The following KLF15 variants were observed in gnomAD, a reference collection of about 807,000 sequenced individuals.
KLF15 encodes the protein KLF transcription factor 15.
In KLF15, 4 loss-of-function variants were observed where a neutral mutation model predicts 24.6. The ratio of observed to expected loss-of-function variants is 0.16; its 90% CI spans 0.08 to 0.37. The LOEUF is 0.37. Among genes scored for constraint, KLF15 ranks in the 10% least tolerant of loss-of-function variants. The pLI, the probability that KLF15 is intolerant of heterozygous loss-of-function variation, is 1.00. For missense variants in KLF15, 496 were observed against 560.6 expected (o/e 0.88, Z 1.16); for synonymous variants, 246 against 236.3 (o/e 1.04, Z -0.37).
the KLF15 span, among the ~76,000 whole-genome samples, chr3:126,306,535 C>T: frequency 3.3e-5 from 5 of 152,236 alleles, no homozygotes; most frequent in African/African-American, 9.7e-5. Flanking sequence ...ACCTTGGCCT[C>T]TGACTTTGGC....
At position 126,343,559 on chromosome 3, in the gene KLF15, C is replaced by G. The variant is rs2082500840; in HGVS notation, c.*168G>C. 7.5e-6 allele frequency: 5 copies of G among 664,054 alleles called. No homozygotes were observed. Among genetic ancestry groups the G allele is most frequent in the African/African-American group, 3.7e-5 (2 of 53,684 alleles). 41.1% of individuals were successfully genotyped at this position (664,054 alleles called of 1,614,324 possible). A position where few individuals can be genotyped will look rare whatever the true frequency, so the allele number is the denominator to read the frequency against. On this transcript the variant is annotated 3_prime_UTR_variant, in exon 3 of 3. Transcript: ENST00000296233. Reference sequence around the variant, plus strand: ...GCGGGTTCGAGGCTCTAAGTACTCCCGAGAAAGGCAGCGGTTGGCGGGCCC... The same window carrying G: ...GCGGGTTCGAGGCTCTAAGTACTCCGGAGAAAGGCAGCGGTTGGCGGGCCC...
chr3:126,329,890 C>CAA, the KLF15 span, among the ~76,000 whole-genome samples: 41 of 148,956 alleles, frequency 2.8e-4, no homozygotes, highest in Non-Finnish European at 5.2e-4. Context: ...ATTTTTCTTC[C>CAA]TGTCATAAAA....
chr3:126,316,893 A>G, the KLF15 span, among the ~76,000 whole-genome samples: 1 of 152,162 alleles, frequency 6.6e-6, no homozygotes, highest in Non-Finnish European at 1.5e-5. Flanking sequence ...GCCCTCAGGA[A>G]GGCATGAGAA....
the KLF15 span, chr3:126,290,835 A>C: frequency 1.3e-5 from 2 of 152,280 alleles, no homozygotes; most frequent in Admixed American, 6.5e-5. Flanking sequence ...CATTTAATGT[A>C]GCCATTTGAC....
Position 126,356,355 on chromosome 3 carries a change from C to T in KLF15, c.-26+882G>A, listed in dbSNP as rs2082632533. Among the ~76,000 whole-genome samples the T allele has an allele frequency of 6.6e-6, 1 of 152,068 alleles. No homozygotes were observed. The highest frequency in any genetic ancestry group is 2.4e-5 in the African/African-American group (1 of 41,400). On this transcript the variant is annotated intron_variant, in intron 1 of 2. Coordinates refer to ENST00000296233, the MANE Select transcript of KLF15 (RefSeq NM_014079.4). This position sits in a 1 kb window ranked among gnomAD's most constrained non-coding sequence, Gnocchi z 4.4. ...TTGTTGATTTTGTCACCTCCGAGGGCCGTGGGAGAAAACAGCCCCTCTGTG... is the reference window on the plus strand; with the variant it reads ...TTGTTGATTTTGTCACCTCCGAGGGTCGTGGGAGAAAACAGCCCCTCTGTG...
intron 2 of KLF15, among the ~76,000 whole-genome samples, chr3:126,350,444 T>G (rs1037625343): frequency 1.3e-5 from 2 of 152,178 alleles, no homozygotes; most frequent in African/African-American, 4.8e-5. Context: ...ACCTAGACAC[T>G]GTTCAGGAAA....
downstream of KLF15, among the ~76,000 whole-genome samples, chr3:126,337,653 TG>T (rs773712128): frequency 2.0e-5 from 3 of 151,950 alleles, no homozygotes; most frequent in South Asian, 4.2e-4. Flanking sequence ...GGGTGAAGGG[TG>T]GATATTAAGG....
intron 2 of KLF15, among the ~76,000 whole-genome samples, chr3:126,346,724 G>T (rs1434922748): frequency 2.6e-5 from 4 of 152,070 alleles, no homozygotes; most frequent in African/African-American, 9.7e-5. Flanking sequence ...AAGACCCCCT[G>T]CCTCACCCCT....
the KLF15 span, among the ~76,000 whole-genome samples, chr3:126,337,298 T>C: frequency 7.2e-6 from 1 of 138,430 alleles, no homozygotes; most frequent in East Asian, 2.1e-4. Flanking sequence ...AAATTGGAAA[T>C]CATCATTCTC....
chr3:126,297,398 A>G, the KLF15 span, among the ~76,000 whole-genome samples: 9 of 152,204 alleles, frequency 5.9e-5, no homozygotes, highest in Non-Finnish European at 1.2e-4. Flanking sequence ...ATTGCTTTCT[A>G]TCATATACTA....
chr3:126,317,712 A>G, the KLF15 span, among the ~76,000 whole-genome samples: 1 of 152,136 alleles, frequency 6.6e-6, no homozygotes, highest in African/African-American at 2.4e-5. Context: ...TTTCAAGTCA[A>G]TGGTCAAACC....
chr3:126,313,684 C>A, the KLF15 span, among the ~76,000 whole-genome samples: 31 of 152,330 alleles, frequency 2.0e-4, no homozygotes, highest in South Asian at 1.5e-3. Flanking sequence ...TTCTCCTGCC[C>A]TCCCTACTGG....
the KLF15 span, among the ~76,000 whole-genome samples, chr3:126,303,822 T>C: frequency 1.3e-5 from 2 of 152,168 alleles, no homozygotes; most frequent in Non-Finnish European, 2.9e-5. Flanking sequence ...TTTTATATTT[T>C]TTATCTCTGT....
At chr3:126,296,239 C>G in the KLF15 span, among the ~76,000 whole-genome samples, 48 of 152,270 alleles carry the variant, frequency 3.2e-4, no homozygotes, top group East Asian at 7.9e-3. Flanking sequence ...TTTGGAGTCT[C>G]GCTCTATCGC....
downstream of KLF15, among the ~76,000 whole-genome samples, chr3:126,342,045 T>A (rs2107549121): frequency 6.6e-6 from 1 of 152,238 alleles, no homozygotes; most frequent in African/African-American, 2.4e-5. Flanking sequence ...CAACCTCAAC[T>A]GTGCAACCAC....
chr3:126,323,491 T>TATATATGTTATATATATATATAAC, the KLF15 span, among the ~76,000 whole-genome samples: 605 of 22,598 alleles, frequency 0.027, 13 homozygotes, highest in Non-Finnish European at 0.032. Context: ...ATATATAACA[T>TATATATGTTATATATATATATAAC]ATATATATAT....
At chr3:126,304,471 G>C in the KLF15 span, among the ~76,000 whole-genome samples, 1 of 152,076 alleles carries the variant, frequency 6.6e-6, no homozygotes, top group Non-Finnish European at 1.5e-5. Flanking sequence ...ACCTCAGTTC[G>C]TTCCCTCACA....
the KLF15 span, among the ~76,000 whole-genome samples, chr3:126,329,352 T>C: frequency 1.3e-5 from 2 of 152,278 alleles, no homozygotes; most frequent in African/African-American, 4.8e-5. Context: ...GGTGTGGTGG[T>C]GTGTGCCTGG....
At chr3:126,329,900 A>C in the KLF15 span, among the ~76,000 whole-genome samples, 1 of 151,260 alleles carries the variant, frequency 6.6e-6, no homozygotes, top group Non-Finnish European at 1.5e-5. Context: ...CTGTCATAAA[A>C]GTTATGAACT....
Sources: allele counts gnomAD v4.1 joint callset (sites outside exome capture counted in the v4.1 genomes callset), GRCh38; gene constraint gnomAD v4.1.1; non-coding constraint Gnocchi (gnomAD v3.1); transcripts MANE v1.5; gene names NCBI Gene and HGNC (gene_info 2026-07-23, HGNC 2026-07-21).